HYAL4: variants seen among roughly 807,000 people sequenced by gnomAD.
The protein encoded by HYAL4 is hyaluronidase-4.
HYAL4 carries 37 observed loss-of-function variants against 35.2 expected under a neutral mutation model. That is an observed-to-expected ratio of 1.05 (90% CI 0.81 to 1.38). HYAL4 has a LOEUF of 1.38. Among genes scored for constraint, HYAL4 ranks in the 40% most tolerant of loss-of-function variants. The probability of loss-of-function intolerance (pLI) is 0.00; values close to 1 mark genes in which losing one functional copy is unlikely to be tolerated. For synonymous variants in HYAL4, 198 were observed against 203.2 expected (o/e 0.97, Z 0.22); for missense variants, 572 against 572.4 (o/e 1.00, Z 0.01).
At chr7:123,833,602 T>G (rs889440426) in intron 1 of HYAL4, among the ~76,000 whole-genome samples, 2 of 152,238 alleles carry the variant, frequency 1.3e-5, no homozygotes, top group Admixed American at 6.5e-5. Flanking sequence ...CACCTATTTA[T>G]CTTTGTTTTT....
intron 3 of HYAL4, 27 bp downstream of exon 3, chr7:123,869,254 G>A: frequency 7.1e-7 from 1 of 1,418,130 alleles, no homozygotes. Context: ...CCAATGGTGG[G>A]GGATTTCCTC....
chr7:123,849,846 G>A (rs894569928), intron 2 of HYAL4, among the ~76,000 whole-genome samples: 32 of 150,610 alleles, frequency 2.1e-4, no homozygotes, highest in African/African-American at 6.8e-4. Flanking sequence ...CAGCCTGAAC[G>A]ATGGAGCCAG....
chr7:123,833,588 G>A (rs1260923243), intron 1 of HYAL4, among the ~76,000 whole-genome samples: 7 of 151,998 alleles, frequency 4.6e-5, no homozygotes, highest in Non-Finnish European at 8.8e-5. Flanking sequence ...GTTTAATTAA[G>A]TTCCACCTAT....
upstream of HYAL4, among the ~76,000 whole-genome samples, chr7:123,841,347 C>A (rs567388974): frequency 1.3e-5 from 2 of 151,934 alleles, no homozygotes; most frequent in Admixed American, 6.6e-5. Flanking sequence ...CAACTTGATC[C>A]GTGATGGATA....
the HYAL4 span, among the ~76,000 whole-genome samples, chr7:123,773,462 T>C: frequency 1.3e-5 from 2 of 152,254 alleles, no homozygotes; most frequent in Non-Finnish European, 2.9e-5. Flanking sequence ...TTATTGGTTT[T>C]AAAATTTCAT....
chr7:123,780,930 C>T, the HYAL4 span, among the ~76,000 whole-genome samples: 1 of 94,008 alleles, frequency 1.1e-5, no homozygotes, highest in East Asian at 2.8e-4. Flanking sequence ...ACAAAAACTG[C>T]GGAAGGCCGC....
chr7:123,838,498 G>A (rs1180843798), intron 1 of HYAL4, among the ~76,000 whole-genome samples: 1 of 151,424 alleles, frequency 6.6e-6, no homozygotes, highest in African/African-American at 2.4e-5. Flanking sequence ...AATGTGTTTT[G>A]TATAGTTTTT....
chr7:123,841,525 T>C (rs577954591), upstream of HYAL4, among the ~76,000 whole-genome samples: 1 of 152,150 alleles, frequency 6.6e-6, no homozygotes, highest in South Asian at 2.1e-4. Context: ...TTAGAGAGGA[T>C]TCCCTCTTTT....
the HYAL4 span, among the ~76,000 whole-genome samples, chr7:123,809,393 C>CTTTTTTTT: frequency 1.5e-5 from 2 of 129,576 alleles, no homozygotes; most frequent in South Asian, 2.5e-4. Flanking sequence ...TTTTCTTCTT[C>CTTTTTTTT]TTTTTTTTTT....
Position 123,874,778 on chromosome 7 carries a change from C to T in HYAL4, c.972C>T (p.Thr324=), listed in dbSNP as rs757228625. Residue 324 remains threonine (T), a synonymous_variant, in exon 4 of 5, where the codon ACC becomes ACT. Transcript: ENST00000223026. ...FFLSKQDLVS[T]IGESAALGAA... The stretch of plus-strand genomic sequence containing the variant: ...CAATCTAGCAAGATCTAGTCAGCAC[C>T]ATAGGAGAAAGTGCTGCCTTGGGAG... 13 of 1,601,600 alleles carry T rather than the reference C, an allele frequency of 8.1e-6. No individual in the cohort carries two copies. Among genetic ancestry groups the T allele is most frequent in the Non-Finnish European group, 1.1e-5 (13 of 1,168,576 alleles).
chr7:123,874,542 A>G (rs112456085), intron 3 of HYAL4, among the ~76,000 whole-genome samples: 2 of 152,158 alleles, frequency 1.3e-5, no homozygotes, highest in South Asian at 2.1e-4. Flanking sequence ...AGCTGGGATT[A>G]TAGGCGCCCA....
chr7:123,849,300 T>C (rs546434054), intron 2 of HYAL4, among the ~76,000 whole-genome samples: 2 of 152,010 alleles, frequency 1.3e-5, no homozygotes, highest in East Asian at 3.9e-4. Flanking sequence ...TCTCTCTCTC[T>C]TTCTCTTTCT....
chr7:123,832,153 G>A (rs1805893244), intron 1 of HYAL4, among the ~76,000 whole-genome samples: 1 of 151,996 alleles, frequency 6.6e-6, no homozygotes, highest in Admixed American at 6.6e-5. Flanking sequence ...GTTCTGCTGT[G>A]TTGAAATAAA....
intron 3 of HYAL4, among the ~76,000 whole-genome samples, chr7:123,872,949 T>C (rs777683187): frequency 1.3e-5 from 2 of 152,218 alleles, no homozygotes; most frequent in African/African-American, 2.4e-5. Context: ...TCTATAAATA[T>C]AAAATGTAAA....
At chr7:123,797,833 T>C in the HYAL4 span, among the ~76,000 whole-genome samples, 17 of 152,342 alleles carry the variant, frequency 1.1e-4, no homozygotes, top group Non-Finnish European at 4.4e-5. Context: ...TCATGCACTT[T>C]CTCTTTATCA....
the HYAL4 span, among the ~76,000 whole-genome samples, chr7:123,772,796 T>G: frequency 6.6e-6 from 1 of 152,186 alleles, no homozygotes; most frequent in South Asian, 2.1e-4. Context: ...CTTCTGTGCC[T>G]TTTGCCTCAA....
upstream of HYAL4, among the ~76,000 whole-genome samples, chr7:123,840,758 G>A (rs1179320189): frequency 2.0e-5 from 3 of 151,956 alleles, no homozygotes; most frequent in African/African-American, 7.2e-5. Flanking sequence ...AATTGTGAAT[G>A]GGAGTTCACT....
upstream of HYAL4, among the ~76,000 whole-genome samples, chr7:123,843,712 G>T (rs1427651390): frequency 6.6e-6 from 1 of 151,470 alleles, no homozygotes; most frequent in Non-Finnish European, 1.5e-5. Context: ...TTCTTTTTCT[G>T]TAACCTTGTC....
the HYAL4 span, among the ~76,000 whole-genome samples, chr7:123,779,658 TAAAA>T: frequency 2.0e-5 from 3 of 151,934 alleles, no homozygotes; most frequent in Non-Finnish European, 4.4e-5. Context: ...ATTTTCAAAA[TAAAA>T]AAAATTTTAA....
Sources: allele counts gnomAD v4.1 joint callset (sites outside exome capture counted in the v4.1 genomes callset), GRCh38; gene constraint gnomAD v4.1.1; transcripts MANE v1.5; gene names NCBI Gene and HGNC (gene_info 2026-07-23, HGNC 2026-07-21).